FARS2: variants seen among roughly 807,000 people sequenced by gnomAD.
The protein encoded by FARS2 is phenylalanine--tRNA ligase, mitochondrial.
In FARS2, 40 loss-of-function variants were observed where a neutral mutation model predicts 46.4. That is an observed-to-expected ratio of 0.86 (90% CI 0.67 to 1.12). The LOEUF is 1.12. Ranked by LOEUF, FARS2 falls within the 50% of genes most tolerant of loss-of-function variation. The pLI is 0.00. For missense variants in FARS2, 513 were observed against 567.9 expected (o/e 0.90, Z 0.98); for synonymous variants, 234 against 214.9 (o/e 1.09, Z -0.78).
At chr6:5,359,140 A>G (rs780711776) in intron 1 of FARS2, among the ~76,000 whole-genome samples, 1 of 145,678 alleles carries the variant, frequency 6.9e-6, no homozygotes, top group East Asian at 2.0e-4. Context: ...CCCGGGTTCA[A>G]GCTATTCTCC....
At chr6:5,580,127 T>TA (rs1773238958) in intron 5 of FARS2, among the ~76,000 whole-genome samples, 1 of 151,288 alleles carries the variant, frequency 6.6e-6, no homozygotes, top group African/African-American at 2.4e-5. Context: ...CCATCTCCAC[T>TA]AAAAATACAA....
At chr6:5,607,078 G>A (rs1254679896) in intron 5 of FARS2, among the ~76,000 whole-genome samples, 3 of 151,992 alleles carry the variant, frequency 2.0e-5, no homozygotes, top group Non-Finnish European at 4.4e-5. Flanking sequence ...GAAAAAATAC[G>A]GAATTTAAAA....
intron 5 of FARS2, among the ~76,000 whole-genome samples, chr6:5,560,156 T>G (rs1027076366): frequency 1.3e-5 from 2 of 152,180 alleles, no homozygotes; most frequent in Non-Finnish European, 2.9e-5. Flanking sequence ...ATTAAATGTC[T>G]GCTCTTCAAA....
chr6:5,731,798 G>A (rs1760640775), intron 6 of FARS2, among the ~76,000 whole-genome samples: 1 of 151,928 alleles, frequency 6.6e-6, no homozygotes, highest in African/African-American at 2.4e-5. Flanking sequence ...GAAAAATAGG[G>A]CCCCTTGGTC....
chr6:5,653,544 AG>A (rs1777468876), intron 6 of FARS2, among the ~76,000 whole-genome samples: 1 of 152,224 alleles, frequency 6.6e-6, no homozygotes, highest in Non-Finnish European at 1.5e-5. Context: ...CTAAGAACTA[AG>A]TGACCACAAT....
chr6:5,734,583 G>T (rs1323529350), intron 6 of FARS2, among the ~76,000 whole-genome samples: 2 of 152,188 alleles, frequency 1.3e-5, no homozygotes, highest in African/African-American at 2.4e-5. Flanking sequence ...TGGTGATGAT[G>T]ACAGGGAACA....
chr6:5,417,970 G>T (rs1395486065), intron 3 of FARS2, among the ~76,000 whole-genome samples: 1 of 151,374 alleles, frequency 6.6e-6, no homozygotes, highest in Non-Finnish European at 1.5e-5. Context: ...TTATCTTCAA[G>T]TTTACCAATA....
At chr6:5,495,346 T>C (rs1767396406) in intron 4 of FARS2, among the ~76,000 whole-genome samples, 1 of 152,260 alleles carries the variant, frequency 6.6e-6, no homozygotes, top group Non-Finnish European at 1.5e-5. Flanking sequence ...CTTTATTGTT[T>C]TTCTCTGTTA....
chr6:5,427,290 C>T (rs996156029), intron 3 of FARS2, among the ~76,000 whole-genome samples: 10 of 152,024 alleles, frequency 6.6e-5, no homozygotes, highest in East Asian at 1.9e-4. Context: ...ATGTAAGACC[C>T]GAAACCATAA....
intron 5 of FARS2, among the ~76,000 whole-genome samples, chr6:5,592,858 C>T (rs1214103836): frequency 6.6e-6 from 1 of 152,198 alleles, no homozygotes; most frequent in Non-Finnish European, 1.5e-5. Flanking sequence ...GAAAGGAGGA[C>T]CTAGCAGGTA....
chr6:5,545,860 G>C (rs529779177), intron 5 of FARS2, among the ~76,000 whole-genome samples: 18 of 152,274 alleles, frequency 1.2e-4, no homozygotes, highest in Middle Eastern at 3.4e-3. Flanking sequence ...AGGCATGGTG[G>C]CTCATGCCTT....
intron 6 of FARS2, among the ~76,000 whole-genome samples, chr6:5,721,247 A>G (rs917102498): frequency 1.3e-5 from 2 of 152,216 alleles, no homozygotes; most frequent in Non-Finnish European, 2.9e-5. Flanking sequence ...TAAGAAGACA[A>G]CTAGCTTCTT....
At chr6:5,483,172 T>C (rs990605380) in intron 4 of FARS2, among the ~76,000 whole-genome samples, 1 of 152,196 alleles carries the variant, frequency 6.6e-6, no homozygotes, top group Non-Finnish European at 1.5e-5. Flanking sequence ...CTAAAAGTAT[T>C]CAGTGCAGTG....
At chr6:5,385,279 A>C (rs1345104852) in intron 2 of FARS2, among the ~76,000 whole-genome samples, 1 of 152,212 alleles carries the variant, frequency 6.6e-6, no homozygotes, top group Non-Finnish European at 1.5e-5. Context: ...TATTCATCTT[A>C]CTAAGGCATC....
intron 1 of FARS2, among the ~76,000 whole-genome samples, chr6:5,269,142 G>A (rs1765764143): frequency 6.6e-6 from 1 of 152,142 alleles, no homozygotes; most frequent in African/African-American, 2.4e-5. Flanking sequence ...TATACACCAT[G>A]GAATACTATG....
At chr6:5,345,841 C>G (rs976969336) in intron 1 of FARS2, among the ~76,000 whole-genome samples, 7 of 152,170 alleles carry the variant, frequency 4.6e-5, no homozygotes, top group African/African-American at 1.4e-4. Flanking sequence ...AGAAAATAGG[C>G]CTATAATCTT....
At chr6:5,313,519 T>C (rs979103987) in intron 1 of FARS2, among the ~76,000 whole-genome samples, 5 of 152,226 alleles carry the variant, frequency 3.3e-5, no homozygotes, top group Non-Finnish European at 5.9e-5. Context: ...TTTTCCTGAT[T>C]GGTAACTTCA....
At chr6:5,332,187 C>G (rs1401694273) in intron 1 of FARS2, among the ~76,000 whole-genome samples, 1 of 152,152 alleles carries the variant, frequency 6.6e-6, no homozygotes, top group African/African-American at 2.4e-5. Context: ...TCTCATCTTG[C>G]TCCAGTGATA....
chr6:5,505,594 A>G (rs1319348317), intron 4 of FARS2, among the ~76,000 whole-genome samples: 2 of 152,166 alleles, frequency 1.3e-5, no homozygotes, highest in Non-Finnish European at 2.9e-5. Flanking sequence ...AATCTTCACA[A>G]TCCACGTTCT....
Sources: allele counts gnomAD v4.1 joint callset (sites outside exome capture counted in the v4.1 genomes callset), GRCh38; gene constraint gnomAD v4.1.1; transcripts MANE v1.5; gene names NCBI Gene and HGNC (gene_info 2026-07-23, HGNC 2026-07-21).